Variants in XKR4 observed in about 807,000 individuals in gnomAD.
XKR4 encodes the protein XK related 4, also known as XK-related protein 4.
XKR4 carries 12 observed loss-of-function variants against 53.9 expected under a neutral mutation model. That is an observed-to-expected ratio of 0.22 (90% CI 0.14 to 0.36). XKR4 has a LOEUF of 0.36. Among genes scored for constraint, XKR4 ranks in the 10% least tolerant of loss-of-function variants. The pLI is 1.00. For missense variants in XKR4, 799 were observed against 859.5 expected, an observed-to-expected ratio of 0.93 and a Z score of 0.88; for synonymous variants, 354 against 362.4, an observed-to-expected ratio of 0.98 and a Z score of 0.26.
intron 1 of XKR4, 143 bp downstream of exon 1, chr8:55,103,437 G>A (rs537236343): frequency 7.9e-5 from 111 of 1,412,418 alleles, no homozygotes; most frequent in Non-Finnish European, 1.0e-4. Flanking sequence ...CTTTTGAACT[G>A]GGGCTTGCAT....
At chr8:55,453,322 C>G (rs764932212) in intron 2 of XKR4, 5 of 480,900 alleles carry the variant, frequency 1.0e-5, no homozygotes, top group African/African-American at 9.9e-5. Flanking sequence ...CAAAGTCAAA[C>G]TGCTGGTGGT....
chr8:55,157,247 G>A (rs917843623), intron 1 of XKR4, among the ~76,000 whole-genome samples: 2 of 152,178 alleles, frequency 1.3e-5, no homozygotes, highest in African/African-American at 4.8e-5. Flanking sequence ...AATAGAAGTG[G>A]AGGAAGCTTC....
chr8:55,499,907 G>T (rs931182992), intron 2 of XKR4, among the ~76,000 whole-genome samples: 14 of 152,122 alleles, frequency 9.2e-5, no homozygotes, highest in Admixed American at 3.9e-4. Flanking sequence ...CCCTAGGTGT[G>T]CCCTCCTTGT....
At chr8:55,213,856 CTTTTTTTTTTTT>C (rs11433893) in intron 1 of XKR4, among the ~76,000 whole-genome samples, 16 of 82,346 alleles carry the variant, frequency 1.9e-4, no homozygotes, top group South Asian at 1.0e-3. Flanking sequence ...TTCTTTCTTT[CTTTTTTTTTTTT>C]TTTTTTTTTT....
chr8:55,261,822 G>A (rs1397343195), intron 1 of XKR4, among the ~76,000 whole-genome samples: 1 of 151,704 alleles, frequency 6.6e-6, no homozygotes. Flanking sequence ...GTTACTTCTG[G>A]AATATGAGAA....
Position 55,102,808 on chromosome 8 carries a change from A to G in XKR4, c.320A>G (p.Tyr107Cys), listed in dbSNP as rs556694026. 8.9e-5 allele frequency: 143 copies of G among 1,606,442 alleles called. No individual in the cohort carries two copies. The South Asian group carries it at 1.3e-3, about 14-fold the overall frequency. The change falls in exon 1 of 3, where the codon TAC (tyrosine) becomes TGC (cysteine). Residue 107 changes from tyrosine (Y) to cysteine (C), a missense_variant. Transcript: ENST00000327381. The surrounding 1 kb of genome is among the most constrained non-coding windows in gnomAD (Gnocchi z 5.1). ...CLRLGREQRR[Y>C]SLWDCLWILA... ...CGCCTGGGCAGGGAGCAGCGGCGCT[A>G]CTCACTGTGGGACTGCCTCTGGATC...
chr8:55,321,098 A>T (rs1450107853), intron 1 of XKR4, among the ~76,000 whole-genome samples: 3 of 152,044 alleles, frequency 2.0e-5, no homozygotes, highest in Non-Finnish European at 2.9e-5. Flanking sequence ...GCTTCCTTGC[A>T]TCTAGGTCCA....
Position 55,454,205 on chromosome 8 carries a change from G to A in XKR4, c.1007-69076G>A, listed in dbSNP as rs1396176706. On this transcript the variant is annotated intron_variant, in intron 2 of 2. Transcript: ENST00000327381. ...ACTCTGCAGTGGCTCTAGCAAGGGTGGAATGTGCACACACTCAGGGATGGT... is the reference window on the plus strand; with the variant it reads ...ACTCTGCAGTGGCTCTAGCAAGGGTAGAATGTGCACACACTCAGGGATGGT... 17 of 1,050,170 alleles carry A rather than the reference G, an allele frequency of 1.6e-5. No homozygotes were observed. In the East Asian group the frequency reaches 4.0e-4, roughly 25 times the overall value. The allele number at this position is 1,050,170 out of a possible 1,614,324, so 65.1% of individuals were successfully genotyped here. A position where few individuals can be genotyped will look rare whatever the true frequency, so the allele number is the denominator to read the frequency against.
At chr8:55,139,423 G>A (rs1585899158) in intron 1 of XKR4, among the ~76,000 whole-genome samples, 4 of 151,012 alleles carry the variant, frequency 2.6e-5, no homozygotes, top group East Asian at 1.9e-4. Flanking sequence ...GGTAATCCCA[G>A]CTACTTGGGA....
At chr8:55,466,058 C>A (rs1235423668) in intron 2 of XKR4, among the ~76,000 whole-genome samples, 1 of 152,048 alleles carries the variant, frequency 6.6e-6, no homozygotes. Context: ...ACTAGTTCAA[C>A]CATTGTGGAA....
At chr8:55,173,997 A>T (rs975852938) in intron 1 of XKR4, among the ~76,000 whole-genome samples, 1 of 152,260 alleles carries the variant, frequency 6.6e-6, no homozygotes, top group Non-Finnish European at 1.5e-5. Context: ...ATCATTATAC[A>T]TTAAAAATCC....
rs77676670 is a variant in XKR4, at chr8:55,152,741, C to G, written c.806+49447C>G. 8.5e-3 allele frequency among the ~76,000 whole-genome samples: 1,298 copies of G among 152,240 alleles called. 17 individuals are homozygous for G. The highest frequency in any genetic ancestry group is 0.03 in the African/African-American group (1,244 of 41,548). ...AAAAAATCAACTGATTTGTTTTGCT[C>G]TAATACAGTTCAGTCATTTCAGTAT... On this transcript the variant is annotated intron_variant, in intron 1 of 2. Transcript: ENST00000327381.
chr8:55,419,811 T>C (rs780000707), intron 2 of XKR4, among the ~76,000 whole-genome samples: 1 of 152,240 alleles, frequency 6.6e-6, no homozygotes, highest in East Asian at 1.9e-4. Context: ...TTACTCGGGA[T>C]ACTTAAGAAA....
In XKR4 at chr8:55,337,415, A is replaced by G. The variant is rs559279099; in HGVS notation, c.807-20263A>G. Among the ~76,000 whole-genome samples the G allele has an allele frequency of 2.0e-4, 30 of 152,244 alleles. No homozygotes were observed. In the South Asian group the frequency reaches 6.2e-3, roughly 32 times the overall value. On this transcript the variant is annotated intron_variant, in intron 1 of 2. Coordinates refer to ENST00000327381, the MANE Select transcript of XKR4 (RefSeq NM_052898.2). ...GCATGCAATTTAATATTTCTTTATG[A>G]TATTTTATGAATCAGGGCCATGTTT...
At chr8:55,449,605 C>T (rs1476176698) in intron 2 of XKR4, 20 of 1,201,988 alleles carry the variant, frequency 1.7e-5, no homozygotes, top group Middle Eastern at 1.9e-4. Context: ...GAGTTGTCTT[C>T]ACGTCAAAGA....
chr8:55,361,115 G>A (rs1342199022), intron 2 of XKR4, among the ~76,000 whole-genome samples: 2 of 152,304 alleles, frequency 1.3e-5, no homozygotes, highest in East Asian at 1.9e-4. Context: ...CCAGCTCCCC[G>A]CGGAGTATAA....
chr8:55,435,510 C>A (rs1193318971), intron 2 of XKR4, among the ~76,000 whole-genome samples: 1 of 151,728 alleles, frequency 6.6e-6, no homozygotes, highest in Non-Finnish European at 1.5e-5. Flanking sequence ...TTTTATAGCC[C>A]TTTTTATAGC....
rs1806898989 is a variant in XKR4, at chr8:55,527,876, C to G, written c.*3649C>G. Reference sequence around the variant, plus strand: ...TCTATGAGTAAAGGAAGTGATTGCACAGAACAATTAAAAGTGAATGAGAAT... The same window carrying G: ...TCTATGAGTAAAGGAAGTGATTGCAGAGAACAATTAAAAGTGAATGAGAAT... On this transcript the variant is annotated 3_prime_UTR_variant, in exon 3 of 3. Transcript: ENST00000327381. 6.6e-6 allele frequency: 1 copy of G among 152,080 alleles called. No individual in the cohort carries two copies. Among genetic ancestry groups the G allele is most frequent in the Admixed American group, 6.5e-5 (1 of 15,268 alleles). The allele number at this position is 152,080 out of a possible 1,614,324, so 9.4% of individuals were successfully genotyped here.
At chr8:55,395,953 T>C (rs753841416) in intron 2 of XKR4, among the ~76,000 whole-genome samples, 2 of 152,174 alleles carry the variant, frequency 1.3e-5, no homozygotes, top group African/African-American at 2.4e-5. Context: ...CACTTTCTGG[T>C]TTACAGGCAG....
Sources: allele counts gnomAD v4.1 joint callset (sites outside exome capture counted in the v4.1 genomes callset), GRCh38; gene constraint gnomAD v4.1.1; non-coding constraint Gnocchi (gnomAD v3.1); transcripts MANE v1.5; gene names NCBI Gene and HGNC (gene_info 2026-07-23, HGNC 2026-07-21).